SLC25A21: variants seen among roughly 807,000 people sequenced by gnomAD.
SLC25A21 encodes solute carrier family 25 member 21.
Under a neutral mutation model 43.8 loss-of-function variants are expected in SLC25A21, and 47 were observed. The observed-to-expected ratio is 1.07, with a 90% CI of 0.85 to 1.37. The LOEUF (loss-of-function observed/expected upper bound fraction) is 1.37. Among genes scored for constraint, SLC25A21 ranks in the 40% most tolerant of loss-of-function variants. SLC25A21 has a pLI of 0.00. For synonymous variants in SLC25A21, 131 were observed against 121.3 expected, an observed-to-expected ratio of 1.08 and a Z score of -0.52; for missense variants, 352 against 350.2, an observed-to-expected ratio of 1.00 and a Z score of -0.04.
intron 1 of SLC25A21, among the ~76,000 whole-genome samples, chr14:37,038,012 T>A (rs549818027): frequency 6.6e-6 from 1 of 152,320 alleles, no homozygotes; most frequent in East Asian, 1.9e-4. Flanking sequence ...AACTTAAAGC[T>A]CCCTGTGGGT....
At chr14:37,112,226 G>C (rs1463563337) in intron 1 of SLC25A21, among the ~76,000 whole-genome samples, 2 of 152,090 alleles carry the variant, frequency 1.3e-5, no homozygotes. Context: ...ATAGTTAACA[G>C]GCCCCCTTGC....
chr14:36,948,956 G>A (rs955189294), intron 1 of SLC25A21, among the ~76,000 whole-genome samples: 2 of 152,142 alleles, frequency 1.3e-5, no homozygotes, highest in Non-Finnish European at 2.9e-5. Flanking sequence ...GACAACACTT[G>A]GTCTAAAAGA....
At chr14:36,909,013 T>C (rs1594685381) in intron 1 of SLC25A21, among the ~76,000 whole-genome samples, 1 of 151,808 alleles carries the variant, frequency 6.6e-6, no homozygotes, top group South Asian at 2.1e-4. Context: ...CAGGCAAGAG[T>C]GTCCATAACC....
intron 2 of SLC25A21, among the ~76,000 whole-genome samples, chr14:36,846,170 T>C (rs1167092319): frequency 6.6e-6 from 1 of 152,136 alleles, no homozygotes; most frequent in African/African-American, 2.4e-5. Flanking sequence ...GAATTATAAT[T>C]TTCTTAAAAA....
At chr14:36,699,408 G>A (rs1164468607) in intron 7 of SLC25A21, among the ~76,000 whole-genome samples, 1 of 152,064 alleles carries the variant, frequency 6.6e-6, no homozygotes, top group Non-Finnish European at 1.5e-5. Context: ...AGGGATCAGG[G>A]ACCCACTTGA....
intron 1 of SLC25A21, among the ~76,000 whole-genome samples, chr14:36,992,377 C>G (rs949909909): frequency 6.6e-6 from 1 of 151,974 alleles, no homozygotes; most frequent in Non-Finnish European, 1.5e-5. Context: ...TGCACTCCCC[C>G]GCCTGGGAGA....
intron 3 of SLC25A21, among the ~76,000 whole-genome samples, chr14:36,795,857 A>G (rs1297318796): frequency 6.6e-6 from 1 of 152,196 alleles, no homozygotes; most frequent in Non-Finnish European, 1.5e-5. Flanking sequence ...GAAAAGTAAC[A>G]GGCAGCTCAT....
At chr14:37,138,905 A>G (rs908299293) in intron 1 of SLC25A21, among the ~76,000 whole-genome samples, 1 of 152,156 alleles carries the variant, frequency 6.6e-6, no homozygotes, top group Non-Finnish European at 1.5e-5. Context: ...TATAAATGAT[A>G]TGGTAAATTT....
At chr14:37,063,890 A>C (rs573873140) in intron 1 of SLC25A21, among the ~76,000 whole-genome samples, 1 of 152,288 alleles carries the variant, frequency 6.6e-6, no homozygotes, top group Admixed American at 6.5e-5. Flanking sequence ...CAACCCAAAC[A>C]AGACTTTTCC....
chr14:36,876,417 G>T (rs1890525816), intron 1 of SLC25A21, among the ~76,000 whole-genome samples: 1 of 152,170 alleles, frequency 6.6e-6, no homozygotes, highest in Non-Finnish European at 1.5e-5. Context: ...TTGTGCCAAA[G>T]GCTTCCCAAG....
At chr14:37,133,143 G>GCACACACACA (rs33962615) in intron 1 of SLC25A21, among the ~76,000 whole-genome samples, 3,688 of 148,038 alleles carry the variant, frequency 0.025, 144 homozygotes, top group African/African-American at 0.087. Flanking sequence ...GTGCACTCGT[G>GCACACACACA]CACACACACA....
rs148242271 is a variant in SLC25A21 at position 37,042,917 on chromosome 14, G to C, written c.70+129364C>G. 5.6e-3 allele frequency among the ~76,000 whole-genome samples: 851 copies of C among 152,224 alleles called. 7 individuals are homozygous for C. The highest frequency in any genetic ancestry group is 0.015 in the African/African-American group (612 of 41,546). ...CTGGCCCATATACTAAACTCTTTAT[G>C]AGACATCTCCACTTGTTGAGGCCAT... On this transcript the variant is annotated intron_variant, in intron 1 of 9. Transcript: ENST00000331299.
At chr14:36,704,090 A>G (rs1883394040) in intron 7 of SLC25A21, among the ~76,000 whole-genome samples, 1 of 152,200 alleles carries the variant, frequency 6.6e-6, no homozygotes, top group South Asian at 2.1e-4. Flanking sequence ...TCACCCTTCA[A>G]TAGGAACAGC....
chr14:36,992,468 A>T (rs1181451065), intron 1 of SLC25A21, among the ~76,000 whole-genome samples: 2 of 152,166 alleles, frequency 1.3e-5, no homozygotes, highest in Non-Finnish European at 2.9e-5. Flanking sequence ...TTTCTTGGAC[A>T]CTAATTCTAA....
intron 1 of SLC25A21, among the ~76,000 whole-genome samples, chr14:36,881,043 C>T (rs540592207): frequency 2.6e-5 from 4 of 152,226 alleles, no homozygotes; most frequent in Non-Finnish European, 4.4e-5. Flanking sequence ...AATAGCAATA[C>T]GCATAAAAAT....
chr14:36,861,613 GCAGCTAAGGA>G (rs1157218447), intron 2 of SLC25A21, among the ~76,000 whole-genome samples: 1 of 152,216 alleles, frequency 6.6e-6, no homozygotes, highest in Non-Finnish European at 1.5e-5. Context: ...CTTTACAGAG[GCAGCTAAGGA>G]GCAAACACTC....
chr14:36,925,309 T>C (rs712404), intron 1 of SLC25A21, among the ~76,000 whole-genome samples: 20,217 of 152,116 alleles, frequency 0.13, 2,706 homozygotes, highest in African/African-American at 0.34. Context: ...TAAATTAAGA[T>C]GTAAACCCCA....
At chr14:36,960,351 C>T (rs1424736141) in intron 1 of SLC25A21, among the ~76,000 whole-genome samples, 2 of 152,018 alleles carry the variant, frequency 1.3e-5, no homozygotes, top group East Asian at 1.9e-4. Flanking sequence ...AGAAAATTTG[C>T]TTTCATAAAA....
At chr14:36,733,208 C>T (rs1884901499) in intron 4 of SLC25A21, among the ~76,000 whole-genome samples, 1 of 152,166 alleles carries the variant, frequency 6.6e-6, no homozygotes, top group African/African-American at 2.4e-5. Flanking sequence ...TTATTCCATG[C>T]AGACAAAGTG....
Sources: allele counts gnomAD v4.1 joint callset (sites outside exome capture counted in the v4.1 genomes callset), GRCh38; gene constraint gnomAD v4.1.1; transcripts MANE v1.5; gene names NCBI Gene and HGNC (gene_info 2026-07-23, HGNC 2026-07-21).